Variants in USP25 observed in about 807,000 individuals in gnomAD.
USP25 encodes ubiquitin carboxyl-terminal hydrolase 25.
In USP25, 85 loss-of-function variants were observed where a neutral mutation model predicts 158.5. The observed-to-expected ratio is 0.54, with a 90% CI of 0.45 to 0.64. The LOEUF (loss-of-function observed/expected upper bound fraction) is 0.64, where lower values mean the gene tolerates loss of function less well. Among genes scored for constraint, USP25 ranks in the 30% least tolerant of loss-of-function variants. The pLI is 0.00. For synonymous variants in USP25, 464 were observed against 460.4 expected, an observed-to-expected ratio of 1.01 and a Z score of -0.10; for missense variants, 1,242 against 1,327.3, an observed-to-expected ratio of 0.94 and a Z score of 1.00.
chr21:15,756,487 CT>C (rs1166742000), intron 1 of USP25, among the ~76,000 whole-genome samples: 1 of 151,982 alleles, frequency 6.6e-6, no homozygotes, highest in Non-Finnish European at 1.5e-5. Flanking sequence ...CCAGTGATCC[CT>C]TTTTTTGCAT....
chr21:15,831,292 A>T lies in USP25; in HGVS notation c.1765-109A>T, dbSNP rs149983636. 50 of 1,011,270 alleles carry T rather than the reference A, an allele frequency of 4.9e-5. No individual in the cohort carries two copies. In the African/African-American group the frequency reaches 6.9e-4, roughly 14 times the overall value. The allele number at this position is 1,011,270 out of a possible 1,614,324, so 62.6% of individuals were successfully genotyped here. A position where few individuals can be genotyped will look rare whatever the true frequency, so the allele number is the denominator to read the frequency against. On this transcript the variant is annotated intron_variant, in intron 15 of 25. Coordinates refer to ENST00000400183, the MANE Select transcript of USP25 (RefSeq NM_001283041.3). ...AGCCAGTTCTCTCTCATTTAAAAAA[A>T]AAAATGCTCTTATGGTTTTCTCCAA...
intron 4 of USP25, among the ~76,000 whole-genome samples, chr21:15,787,293 C>T (rs2035333525): frequency 6.6e-6 from 1 of 152,004 alleles, no homozygotes. Context: ...CCCAAATAGC[C>T]AAAGCAAGCC....
At chr21:15,769,523 C>G (rs2034228858) in intron 3 of USP25, among the ~76,000 whole-genome samples, 1 of 151,934 alleles carries the variant, frequency 6.6e-6, no homozygotes, top group African/African-American at 2.4e-5. Flanking sequence ...GCCTGTTGTC[C>G]CTGGCTTAAA....
At chr21:15,748,699 T>C (rs1250137628) in intron 1 of USP25, among the ~76,000 whole-genome samples, 3 of 152,100 alleles carry the variant, frequency 2.0e-5, no homozygotes, top group Non-Finnish European at 4.4e-5. Flanking sequence ...TGTAATAAGA[T>C]GAAAAACCAA....
chr21:15,772,541 G>A (rs1179745861), intron 3 of USP25, among the ~76,000 whole-genome samples: 1 of 152,154 alleles, frequency 6.6e-6, no homozygotes, highest in Non-Finnish European at 1.5e-5. Context: ...TATTAATAAT[G>A]CTCTGGCATT....
intron 18 of USP25, among the ~76,000 whole-genome samples, chr21:15,845,259 C>T (rs551896249): frequency 5.3e-5 from 8 of 152,108 alleles, no homozygotes; most frequent in South Asian, 2.1e-4. Context: ...TAAAAATCTT[C>T]GTATTTTAAT....
intron 10 of USP25, among the ~76,000 whole-genome samples, chr21:15,820,999 T>C (rs534248190): frequency 1.3e-5 from 2 of 152,108 alleles, no homozygotes; most frequent in Admixed American, 1.3e-4. Flanking sequence ...AAATGATACA[T>C]TTTAACTTTT....
chr21:15,877,769 C>CTTTTTTTT, intron 24 of USP25, 27 bp from the exon 25 acceptor site: 1 of 1,335,524 alleles, frequency 7.5e-7, no homozygotes. Context: ...AAAACCTATT[C>CTTTTTTTT]TTTTTTTTTT....
intron 4 of USP25, among the ~76,000 whole-genome samples, chr21:15,787,492 ATC>A (rs150541440): frequency 0.016 from 2,368 of 152,178 alleles, 64 homozygotes; most frequent in African/African-American, 0.053. Context: ...ACTGGAGTAA[ATC>A]TAAGAAATGT....
intron 4 of USP25, among the ~76,000 whole-genome samples, chr21:15,779,935 A>AACTT: frequency 6.6e-6 from 1 of 152,270 alleles, no homozygotes; most frequent in South Asian, 2.1e-4. Flanking sequence ...GCATTTAATA[A>AACTT]ACTTATATGT....
intron 10 of USP25, among the ~76,000 whole-genome samples, chr21:15,819,610 T>C (rs376097874): frequency 7.2e-5 from 11 of 152,182 alleles, no homozygotes; most frequent in African/African-American, 2.4e-4. Context: ...ATATGGTAAC[T>C]GCATACATAA....
intron 24 of USP25, 65 bp downstream of exon 24, chr21:15,874,591 CATATA>C (rs766337182): frequency 1.8e-4 from 265 of 1,464,898 alleles, no homozygotes; most frequent in Non-Finnish European, 1.6e-4. Flanking sequence ...TTTCCAGACT[CATATA>C]TAAGTGATTG....
At chr21:15,788,268 G>A (rs73185430) in intron 4 of USP25, among the ~76,000 whole-genome samples, 1,758 of 151,906 alleles carry the variant, frequency 0.012, 13 homozygotes, top group Non-Finnish European at 0.018. Context: ...GGCCAGGGGA[G>A]GAACCCTTAT....
intron 20 of USP25, among the ~76,000 whole-genome samples, chr21:15,860,518 T>C (rs1160054641): frequency 6.6e-6 from 1 of 152,116 alleles, no homozygotes; most frequent in African/African-American, 2.4e-5. Context: ...ATTAGTATAG[T>C]TTTTTATTTC....
At chr21:15,732,790 G>A (rs941307242) in intron 1 of USP25, among the ~76,000 whole-genome samples, 1 of 152,106 alleles carries the variant, frequency 6.6e-6, no homozygotes, top group African/African-American at 2.4e-5. Context: ...AAACTTTCAT[G>A]ATTTTTTGGT....
chr21:15,830,160 G>GAT (rs2037726225), intron 14 of USP25, among the ~76,000 whole-genome samples: 1 of 152,120 alleles, frequency 6.6e-6, no homozygotes, highest in Non-Finnish European at 1.5e-5. Context: ...GTGTGTACAA[G>GAT]ATATGTGGTG....
At chr21:15,735,240 A>G (rs975802177) in intron 1 of USP25, among the ~76,000 whole-genome samples, 5 of 152,194 alleles carry the variant, frequency 3.3e-5, no homozygotes, top group African/African-American at 1.2e-4. Flanking sequence ...GGCCTTCTGT[A>G]TCCACAGGTT....
intron 7 of USP25, among the ~76,000 whole-genome samples, chr21:15,807,474 TA>T (rs1424930580): frequency 6.6e-6 from 1 of 152,190 alleles, no homozygotes; most frequent in Non-Finnish European, 1.5e-5. Context: ...ATGGAGTGGT[TA>T]AAAACAAAAG....
At chr21:15,764,786 C>A in intron 2 of USP25, among the ~76,000 whole-genome samples, 1 of 152,158 alleles carries the variant, frequency 6.6e-6, no homozygotes, top group Non-Finnish European at 1.5e-5. Flanking sequence ...ACTTAGGAAT[C>A]GTCTAATGAT....
Sources: gnomAD v4.1 joint callset for allele counts (sites outside exome capture counted in the v4.1 genomes callset) on GRCh38, gnomAD v4.1.1 for gene constraint, MANE v1.5 for transcripts, NCBI Gene and HGNC (gene_info 2026-07-23, HGNC 2026-07-21) for gene names.